The following NDUFA11 variants were observed in gnomAD, a reference collection of about 807,000 sequenced individuals.
NDUFA11 encodes NADH dehydrogenase [ubiquinone] 1 alpha subcomplex subunit 11.
NDUFA11 carries 14 observed loss-of-function variants against 11.3 expected under a neutral mutation model. The observed-to-expected ratio is 1.24, with a 90% CI of 0.82 to 1.94. The LOEUF is 1.94. Among genes scored for constraint, NDUFA11 ranks in the 30% most tolerant of loss-of-function variants. The pLI is 0.00. For missense variants in NDUFA11, 204 were observed against 200.3 expected (o/e 1.02, Z -0.11); for synonymous variants, 87 against 85.6 (o/e 1.02, Z -0.09).
downstream of NDUFA11, chr19:5,892,985 C>A (rs1211760247): frequency 2.0e-6 from 3 of 1,520,072 alleles, no homozygotes; most frequent in African/African-American, 4.1e-5. Flanking sequence ...GGTGTCAGGG[C>A]CCCTGCCCCT....
chr19:5,896,612 G>A lies in NDUFA11; in HGVS notation c.191-37C>T, dbSNP rs758783732. On this transcript the variant is annotated intron_variant, in intron 2 of 3. Transcript: ENST00000308961. The surrounding 1 kb of genome is among the most constrained non-coding windows in gnomAD (Gnocchi z 5.8). ...ACGGGAAGAGCAAGGGCCTCGAGACGGGCACAGCAGGAGCCTCTTGGGCGC... is the reference window on the plus strand; with the variant it reads ...ACGGGAAGAGCAAGGGCCTCGAGACAGGCACAGCAGGAGCCTCTTGGGCGC... 56 of 1,554,594 alleles carry A rather than the reference G, an allele frequency of 3.6e-5. No individual in the cohort carries two copies. Among genetic ancestry groups the A allele is most frequent in the Middle Eastern group, 4.3e-4 (2 of 4,640 alleles).
intron 1 of NDUFA11, among the ~76,000 whole-genome samples, chr19:5,899,326 T>C (rs2057630221): frequency 6.6e-6 from 1 of 151,580 alleles, no homozygotes; most frequent in African/African-American, 2.4e-5. Context: ...ATTTTTTGTA[T>C]TTTTAGTAGA....
intron 1 of NDUFA11, 136 bp downstream of exon 1, chr19:5,903,476 C>G: frequency 6.2e-6 from 5 of 809,040 alleles, no homozygotes; most frequent in Non-Finnish European, 9.8e-6. Flanking sequence ...CCCCTACGAC[C>G]GCCCAAGACA....
downstream of NDUFA11, chr19:5,891,676 C>G (rs373492916): frequency 2.6e-5 from 4 of 152,546 alleles, no homozygotes; most frequent in Admixed American, 2.6e-4. Flanking sequence ...GGCCCCTGAT[C>G]GCCCACTGCT....
chr19:5,897,122 T>C (rs369840076), intron 1 of NDUFA11, 125 bp from the exon 2 acceptor site: 103 of 791,332 alleles, frequency 1.3e-4, no homozygotes, highest in East Asian at 1.1e-3. Context: ...GCCCATAGTG[T>C]CCCCGGCTGC....
In NDUFA11 at chr19:5,894,776, T is replaced by G. The variant is rs757067636; in HGVS notation, c.392A>C (p.Glu131Ala). The G allele has an allele frequency of 1.2e-6, 2 of 1,613,258 alleles. No homozygotes were observed. Among genetic ancestry groups the G allele is most frequent in the Non-Finnish European group, 8.5e-7 (1 of 1,179,780 alleles). The change falls in exon 4 of 4, where the codon GAG becomes GCG. Residue 131 changes from glutamate (E) to alanine (A), a missense_variant. Transcript: ENST00000308961. ...AASLVKMGRL[E>A]GWEVFAKPKV ...GGGTTTTGCAAACACCTCCCAGCCC[T>G]CCAGCCGGCCCATCTTGACCAGGGA...
At chr19:5,894,937 T>G in intron 3 of NDUFA11, 83 bp from the exon 4 acceptor site, 1 of 1,466,304 alleles carries the variant, frequency 6.8e-7, no homozygotes, top group African/African-American at 1.4e-5. Context: ...GTGCCCACCC[T>G]GGGAGCCAGA....
At chr19:5,900,883 C>G (rs949643244) in intron 1 of NDUFA11, among the ~76,000 whole-genome samples, 3 of 148,838 alleles carry the variant, frequency 2.0e-5, no homozygotes, top group Non-Finnish European at 4.4e-5. Flanking sequence ...TGCACTCCAG[C>G]CTGGGTGACA....
downstream of NDUFA11, chr19:5,892,888 CGTCCTCT>C: frequency 7.1e-7 from 1 of 1,416,832 alleles, no homozygotes; most frequent in Admixed American, 2.9e-5. Context: ...TGGGTGCTGC[CGTCCTCT>C]GAGGACAGAA....
At chr19:5,903,516 A>G in intron 1 of NDUFA11, 96 bp downstream of exon 1, 1 of 1,193,482 alleles carries the variant, frequency 8.4e-7, no homozygotes, top group Non-Finnish European at 1.2e-6. Context: ...CGTACCCGCG[A>G]GACTCCCAGA....
intron 3 of NDUFA11, chr19:5,895,226 A>G: frequency 3.6e-6 from 1 of 275,732 alleles, no homozygotes; most frequent in Non-Finnish European, 7.1e-6. Flanking sequence ...TGCCAGGGCC[A>G]GGCCACGCAT....
At chr19:5,900,195 C>T (rs1241851339) in intron 1 of NDUFA11, among the ~76,000 whole-genome samples, 1 of 152,128 alleles carries the variant, frequency 6.6e-6, no homozygotes, top group Non-Finnish European at 1.5e-5. Context: ...TTCAAAAGGC[C>T]CCCTTCCCTC....
At position 5,896,733 on chromosome 19, in the gene NDUFA11, G is replaced by T; in HGVS notation, c.191-158C>A. 1 of 1,232,250 alleles carries T rather than the reference G, an allele frequency of 8.1e-7. No individual in the cohort carries two copies. The allele number at this position is 1,232,250 out of a possible 1,614,324, so 76.3% of individuals were successfully genotyped here. On this transcript the variant is annotated intron_variant, in intron 2 of 3. Transcript: ENST00000308961. This position sits in a 1 kb window ranked among gnomAD's most constrained non-coding sequence, Gnocchi z 5.8. Reference sequence around the variant, plus strand: ...CCCAGTCCTGGAGCTGTTCTCCTGGGCCTCCCCACCCTACATGTATTCCTG... The same window carrying T: ...CCCAGTCCTGGAGCTGTTCTCCTGGTCCTCCCCACCCTACATGTATTCCTG...
chr19:5,896,715 C>G lies in NDUFA11; in HGVS notation c.191-140G>C, dbSNP rs2057612091. On this transcript the variant is annotated intron_variant, in intron 2 of 3. Transcript: ENST00000308961. The surrounding 1 kb of genome is among the most constrained non-coding windows in gnomAD (Gnocchi z 5.8). ...GCATGGCAGCCTCCTGGCCCCAGTCCTGGAGCTGTTCTCCTGGGCCTCCCC... is the reference window on the plus strand; with the variant it reads ...GCATGGCAGCCTCCTGGCCCCAGTCGTGGAGCTGTTCTCCTGGGCCTCCCC... 7.3e-7 allele frequency: 1 copy of G among 1,362,526 alleles called. No individual in the cohort carries two copies. Among genetic ancestry groups the G allele is most frequent in the African/African-American group, 1.4e-5 (1 of 69,622 alleles). 84.4% of individuals were successfully genotyped at this position (1,362,526 alleles called of 1,614,324 possible). A position where few individuals can be genotyped will look rare whatever the true frequency, so the allele number is the denominator to read the frequency against.
downstream of NDUFA11, among the ~76,000 whole-genome samples, chr19:5,893,808 G>C (rs1568429506): frequency 6.6e-6 from 1 of 152,204 alleles, no homozygotes; most frequent in African/African-American, 2.4e-5. The surrounding 1 kb of genome is among the most constrained non-coding windows in gnomAD (Gnocchi z 4.1). Flanking sequence ...AAAGGGAAGA[G>C]ATGGGGCCGG....
At chr19:5,895,472 C>T (rs1305883130) in intron 3 of NDUFA11, 1 of 153,276 alleles carries the variant, frequency 6.5e-6, no homozygotes, top group Non-Finnish European at 1.5e-5. Context: ...CTGACCAGTT[C>T]CAGTGGGAGC....
At chr19:5,892,656 T>G, downstream of NDUFA11, 1 of 364,348 alleles carries the variant, frequency 2.7e-6, no homozygotes. Context: ...ACCGCGGGGC[T>G]GGGGGCCTGG....
intron 1 of NDUFA11, among the ~76,000 whole-genome samples, chr19:5,898,830 C>A (rs910851202): frequency 6.7e-6 from 1 of 149,850 alleles, no homozygotes; most frequent in Non-Finnish European, 1.5e-5. Flanking sequence ...GCCAAGATTG[C>A]GCCACTGCAC....
chr19:5,892,669 A>C, downstream of NDUFA11: 1 of 394,642 alleles, frequency 2.5e-6, no homozygotes, highest in Non-Finnish European at 4.4e-6. Context: ...GGGCCTGGGG[A>C]TGACCGCCCG....
Sources: gnomAD v4.1 joint callset for allele counts (sites outside exome capture counted in the v4.1 genomes callset) on GRCh38, gnomAD v4.1.1 for gene constraint, Gnocchi (gnomAD v3.1) non-coding constraint, MANE v1.5 for transcripts, NCBI Gene and HGNC (gene_info 2026-07-23, HGNC 2026-07-21) for gene names.